The following PHIP variants were observed in gnomAD, a reference collection of about 807,000 sequenced individuals.
PHIP encodes PHIP subunit of CUL4-Ring ligase complex.
PHIP carries 54 observed loss-of-function variants against 236.8 expected under a neutral mutation model. That is an observed-to-expected ratio of 0.23 (90% confidence interval 0.18 to 0.29). PHIP has a LOEUF of 0.29. PHIP is among the 10% of genes least tolerant of loss of function. PHIP has a pLI of 1.00. For synonymous variants in PHIP, 756 were observed against 718.9 expected, an observed-to-expected ratio of 1.05 and a Z score of -0.83; for missense variants, 1,370 against 2,190.8, an observed-to-expected ratio of 0.63 and a Z score of 7.48.
intron 6 of PHIP, 81 bp from the exon 7 acceptor site, chr6:79,043,084 C>A (rs1772305005): frequency 9.1e-7 from 1 of 1,100,028 alleles, no homozygotes; most frequent in East Asian, 2.4e-5. Flanking sequence ...TTCACATACT[C>A]CAATTTGTCA....
At chr6:78,965,868 T>C (rs1409960300) in intron 28 of PHIP, 77 bp downstream of exon 28, 3 of 1,202,526 alleles carry the variant, frequency 2.5e-6, no homozygotes, top group Non-Finnish European at 3.7e-6. Context: ...AAAAGAAGTC[T>C]CTTTATCTCT....
At chr6:79,003,556 A>G (rs2127732951) in intron 16 of PHIP, among the ~76,000 whole-genome samples, 174 bp downstream of exon 16, 1 of 152,140 alleles carries the variant, frequency 6.6e-6, no homozygotes, top group South Asian at 2.1e-4. Context: ...GTGAGATTTA[A>G]CTGCTGTCTT....
chr6:79,022,625 A>G (rs1362005473), intron 9 of PHIP, among the ~76,000 whole-genome samples: 2 of 152,212 alleles, frequency 1.3e-5, no homozygotes. Flanking sequence ...AAAATTTGTA[A>G]TCATCATATT....
At chr6:78,989,876 A>G (rs1334625049) in intron 20 of PHIP, among the ~76,000 whole-genome samples, 1 of 152,194 alleles carries the variant, frequency 6.6e-6, no homozygotes, top group East Asian at 1.9e-4. Context: ...CCAATCAATC[A>G]AGCAAAAAAC....
rs759075958 is a variant in PHIP, at chr6:79,060,449, TTAACTAC to T, written c.439+22_439+28del. 7.4e-6 allele frequency: 11 copies of T among 1,485,280 alleles called. No homozygotes were observed. The East Asian group carries it at 2.3e-4, about 31-fold the overall frequency. The allele number at this position is 1,485,280 out of a possible 1,614,324, so 92.0% of individuals were successfully genotyped here. A position where few individuals can be genotyped will look rare whatever the true frequency, so the allele number is the denominator to read the frequency against. On this transcript the variant is annotated intron_variant, in intron 6 of 39. Transcript: ENST00000275034. Reference sequence around the variant, plus strand: ...TCAAAAGCTCTTTACCAAGAGGCTATTAACTACTAGTGAACTCAAACAACTCACCAAT... The same window carrying T: ...TCAAAAGCTCTTTACCAAGAGGCTATTAGTGAACTCAAACAACTCACCAAT...
At chr6:78,973,605 C>T (rs1286942640) in intron 24 of PHIP, among the ~76,000 whole-genome samples, 5 of 110,332 alleles carry the variant, frequency 4.5e-5, no homozygotes, top group Non-Finnish European at 9.2e-5. Flanking sequence ...CAGTCAAGAC[C>T]CATCAGTGTG....
At chr6:78,946,619 G>T in intron 37 of PHIP, 92 bp downstream of exon 37, 1 of 1,453,288 alleles carries the variant, frequency 6.9e-7, no homozygotes, top group Non-Finnish European at 9.0e-7. Context: ...TGCAATATAG[G>T]GAATAGTAAA....
At chr6:79,009,262 T>A (rs910786548) in intron 15 of PHIP, among the ~76,000 whole-genome samples, 12 of 152,258 alleles carry the variant, frequency 7.9e-5, no homozygotes, top group African/African-American at 2.9e-4. Flanking sequence ...TCTACTGCAA[T>A]CAAGCTTCCT....
Position 79,026,125 on chromosome 6 carries a change from C to T in PHIP, c.640G>A (p.Asp214Asn). ...DCLVKIWATDDGRLLATLRGH... is the reference protein window; with the variant it reads ...DCLVKIWATDNGRLLATLRGH... Reference sequence around the variant, plus strand: ...CTTAAGGTAGCTAACAACCTCCCATCATCTGTTGCCCATATTTTCACAAGA... The same window carrying T: ...CTTAAGGTAGCTAACAACCTCCCATTATCTGTTGCCCATATTTTCACAAGA... The change falls in exon 8 of 40, where the codon GAT (aspartate) becomes AAT (asparagine). Residue 214 changes from aspartate to asparagine, a missense_variant. By Grantham distance (23) the Asp-to-Asn change is conservative. Around this residue, in one of 14 missense-constraint regions of PHIP, gnomAD observed 82 missense variants for 203.2 expected, o/e 0.40. Transcript: ENST00000275034. 6.2e-7 allele frequency: 1 copy of T among 1,614,010 alleles called. No individual in the cohort carries two copies. Among genetic ancestry groups the T allele is most frequent in the Non-Finnish European group, 8.5e-7 (1 of 1,179,866 alleles).
At chr6:78,978,922 A>G (rs1768311331) in intron 23 of PHIP, among the ~76,000 whole-genome samples, 1 of 152,154 alleles carries the variant, frequency 6.6e-6, no homozygotes, top group Admixed American at 6.6e-5. Flanking sequence ...AAAATTCCAC[A>G]AAGTTCCAAC....
chr6:78,947,615 T>A lies in PHIP; in HGVS notation c.4206+8A>T, dbSNP rs1582085430. ...CTAGTCATAAAAGAAAATAATGTAA[T>A]TATATACCCTTGATCTTTTGCTTGG... On this transcript the variant is annotated splice_region_variant and intron_variant, in intron 36 of 39. Transcript: ENST00000275034. 7.7e-7 allele frequency: 1 copy of A among 1,298,432 alleles called. No homozygotes were observed. Among genetic ancestry groups the A allele is most frequent in the Non-Finnish European group, 1.1e-6 (1 of 921,656 alleles). 80.4% of individuals were successfully genotyped at this position (1,298,432 alleles called of 1,614,324 possible).
At chr6:79,048,044 G>A (rs531464879) in intron 6 of PHIP, among the ~76,000 whole-genome samples, 14 of 150,422 alleles carry the variant, frequency 9.3e-5, no homozygotes, top group Admixed American at 8.0e-4. Flanking sequence ...ATGACTGACA[G>A]TCTATTTATA....
intron 1 of PHIP, 37 bp from the exon 2 acceptor site, chr6:79,077,950 G>A (rs1774271987): frequency 3.1e-6 from 5 of 1,588,372 alleles, no homozygotes; most frequent in Non-Finnish European, 4.3e-6. Flanking sequence ...CACACAGGCT[G>A]AGCGGTCGGG....
rs941617562 is a variant in PHIP at position 78,992,215 on chromosome 6, G to A, written c.2202-1230C>T. ...CTGACCTCGTGATCCCCCCCACCTC[G>A]GCCTCCCAAAGTGCTGGGATTACAG... is the stretch of plus-strand genomic sequence containing the variant. On this transcript the variant is annotated intron_variant, in intron 19 of 39. Coordinates refer to ENST00000275034, the MANE Select transcript of PHIP (RefSeq NM_017934.7). 5.5e-4 allele frequency among the ~76,000 whole-genome samples: 84 copies of A among 151,792 alleles called. 2 individuals are homozygous for A. The highest frequency in any genetic ancestry group is 6.1e-4 in the African/African-American group (25 of 41,308).
chr6:78,953,328 C>T (rs756956545), intron 35 of PHIP, among the ~76,000 whole-genome samples: 11 of 152,152 alleles, frequency 7.2e-5, no homozygotes, highest in Non-Finnish European at 1.5e-4. Flanking sequence ...ACTCAATTAT[C>T]TCTGTATAGT....
chr6:78,940,800 G>GCTC lies in PHIP; in HGVS notation c.5356_5358dup (p.Glu1786dup). The stretch of plus-strand genomic sequence containing the variant: ...GTGTCTTCGAACAACAGCTGCCTTT[G>GCTC]CTCCTCTTCAGAGTCATCCTCATTA... On this transcript the variant is annotated inframe_insertion, in exon 40 of 40. Coordinates refer to ENST00000275034, the MANE Select transcript of PHIP (RefSeq NM_017934.7). 1 of 1,613,810 alleles carries GCTC rather than the reference G, an allele frequency of 6.2e-7. No homozygotes were observed. Among genetic ancestry groups the GCTC allele is most frequent in the South Asian group, 1.1e-5 (1 of 91,074 alleles).
chr6:79,057,082 G>C (rs891441293), intron 6 of PHIP, among the ~76,000 whole-genome samples: 1 of 152,098 alleles, frequency 6.6e-6, no homozygotes, highest in African/African-American at 2.4e-5. Flanking sequence ...ACAAGGTTCA[G>C]AGAGTGTCAA....
intron 21 of PHIP, among the ~76,000 whole-genome samples, chr6:78,986,485 T>C (rs2127720563): frequency 6.6e-6 from 1 of 152,292 alleles, no homozygotes; most frequent in Non-Finnish European, 1.5e-5. Context: ...GCACTATTGG[T>C]GATAGAGAGT....
At chr6:79,051,268 CAAAT>C (rs564180862) in intron 6 of PHIP, among the ~76,000 whole-genome samples, 54 of 152,214 alleles carry the variant, frequency 3.5e-4, no homozygotes, top group African/African-American at 1.3e-3. Context: ...AGAAACAGGA[CAAAT>C]AAATCACCGT....
Sources: allele counts gnomAD v4.1 joint callset (sites outside exome capture counted in the v4.1 genomes callset), GRCh38; gene constraint gnomAD v4.1.1; regional missense constraint gnomAD v4.1.1; transcripts MANE v1.5; gene names NCBI Gene and HGNC (gene_info 2026-07-23, HGNC 2026-07-21).